Variants in NEBL observed in about 807,000 individuals in gnomAD.
The protein encoded by NEBL is LIM and SH3 protein 2.
NEBL carries 122 observed loss-of-function variants against 140.2 expected under a neutral mutation model. That is an observed-to-expected ratio of 0.87 (90% CI 0.75 to 1.01). NEBL has a LOEUF of 1.01. NEBL is among the 50% of genes least tolerant of loss of function. NEBL has a pLI of 0.00. For missense variants in NEBL, 1,365 were observed against 1,231.3 expected (o/e 1.11, Z -1.62); for synonymous variants, 436 against 398.9 (o/e 1.09, Z -1.11).
chr10:20,934,559 G>A (rs118126704), intron 4 of NEBL, among the ~76,000 whole-genome samples: 3,057 of 152,144 alleles, frequency 0.02, 56 homozygotes, highest in Non-Finnish European at 0.031. Context: ...ATCCACGATG[G>A]GCCCGCTCTT....
rs2131052212 is a variant in NEBL, at chr10:20,850,436, A to T, written c.1075T>A (p.Ser359Thr). The T allele has an allele frequency of 2.5e-6, 4 of 1,612,140 alleles. No individual in the cohort carries two copies. In the Middle Eastern group the frequency reaches 5.0e-4, roughly 200 times the overall value. ...KPMLEFVETP[S>T]YQASKEAQKM... ...TGAGCCTCCTTTGAAGCTTGATATGATGGTGTCTCAACAAATTCAAGCATT... is the reference window on the plus strand; with the variant it reads ...TGAGCCTCCTTTGAAGCTTGATATGTTGGTGTCTCAACAAATTCAAGCATT... The change falls in exon 11 of 28, where the codon TCA becomes ACA. Residue 359 changes from serine (S) to threonine (T), a missense_variant. This residue lies in a region of NEBL where 1,323 missense variants were observed against 1,154.8 expected (regional missense o/e 1.15). Coordinates refer to ENST00000377122, the MANE Select transcript of NEBL (RefSeq NM_006393.3).
At chr10:21,253,079 T>C in intron 1 of NEBL, among the ~76,000 whole-genome samples, 1 of 152,072 alleles carries the variant, frequency 6.6e-6, no homozygotes, top group East Asian at 1.9e-4. Flanking sequence ...CTGGCCAGCA[T>C]GGAGAAACCC....
intron 3 of NEBL, among the ~76,000 whole-genome samples, chr10:21,243,334 T>C (rs7080918): frequency 0.6 from 87,030 of 145,200 alleles, 28,138 homozygotes; most frequent in African/African-American, 0.85. Context: ...CAGGGTACGG[T>C]TGCATGCTGT....
intron 3 of NEBL, among the ~76,000 whole-genome samples, chr10:21,227,713 T>TTCTTCTTTCTTCTC (rs1842180073): frequency 3.1e-5 from 2 of 63,680 alleles, no homozygotes; most frequent in Non-Finnish European, 6.3e-5. Context: ...TCTTCTTCTT[T>TTCTTCTTTCTTCTC]CTTCTTCTTC....
chr10:20,926,978 T>C (rs185771267), intron 4 of NEBL, among the ~76,000 whole-genome samples: 5 of 152,220 alleles, frequency 3.3e-5, no homozygotes, highest in South Asian at 2.1e-4. Context: ...GGAAAAATCA[T>C]TGAACAATCA....
intron 2 of NEBL, among the ~76,000 whole-genome samples, chr10:20,893,470 A>G (rs1847197719): frequency 6.6e-6 from 1 of 152,228 alleles, no homozygotes; most frequent in Non-Finnish European, 1.5e-5. Flanking sequence ...GAGGAACCCC[A>G]TAATGTGGGT....
intron 3 of NEBL, among the ~76,000 whole-genome samples, chr10:21,236,646 G>C (rs867920400): frequency 2.6e-4 from 40 of 152,166 alleles, no homozygotes; most frequent in Middle Eastern, 3.4e-3. Context: ...ACTGTGCCAG[G>C]CCACTCACCT....
intron 3 of NEBL, among the ~76,000 whole-genome samples, chr10:21,209,543 A>G (rs895050753): frequency 6.6e-6 from 1 of 152,124 alleles, no homozygotes; most frequent in Non-Finnish European, 1.5e-5. Context: ...TATATGTCCC[A>G]GTGACCACAG....
At chr10:20,910,713 A>G (rs984561590) in intron 4 of NEBL, among the ~76,000 whole-genome samples, 1 of 152,162 alleles carries the variant, frequency 6.6e-6, no homozygotes, top group Non-Finnish European at 1.5e-5. Flanking sequence ...ATGATTACCA[A>G]ATTTATCTAC....
intron 3 of NEBL, among the ~76,000 whole-genome samples, chr10:20,966,784 G>A (rs1162065024): frequency 6.6e-6 from 1 of 152,188 alleles, no homozygotes; most frequent in Non-Finnish European, 1.5e-5. Flanking sequence ...GCTGCAAACA[G>A]CGCAATTATT....
intron 9 of NEBL, 126 bp downstream of exon 9, chr10:20,858,114 T>G: frequency 1.3e-6 from 1 of 741,482 alleles, no homozygotes; most frequent in South Asian, 1.5e-5. Flanking sequence ...TTTCAATGAG[T>G]TAGTTAACGA....
intron 2 of NEBL, chr10:21,146,566 C>T (rs1046485090): frequency 7.5e-6 from 10 of 1,333,004 alleles, no homozygotes; most frequent in Admixed American, 2.1e-5. Flanking sequence ...GCATTGTTAC[C>T]TTGGAACTTT....
chr10:21,201,476 C>A (rs971509702), intron 3 of NEBL, among the ~76,000 whole-genome samples: 3 of 152,176 alleles, frequency 2.0e-5, no homozygotes, highest in African/African-American at 7.2e-5. Context: ...GGGATGGATA[C>A]AGGTTTTGTG....
intron 3 of NEBL, among the ~76,000 whole-genome samples, chr10:21,204,324 G>A (rs1458155196): frequency 6.6e-6 from 1 of 152,174 alleles, no homozygotes; most frequent in Non-Finnish European, 1.5e-5. Context: ...ACGGTATTTG[G>A]AGTAAGGAAG....
At chr10:21,157,809 G>A (rs1840394149) in intron 2 of NEBL, among the ~76,000 whole-genome samples, 1 of 152,156 alleles carries the variant, frequency 6.6e-6, no homozygotes, top group Non-Finnish European at 1.5e-5. Context: ...CTTTGCTGAG[G>A]TAATCAAGTG....
chr10:20,861,650 A>G (rs1588854817), intron 7 of NEBL, among the ~76,000 whole-genome samples: 1 of 152,202 alleles, frequency 6.6e-6, no homozygotes, highest in African/African-American at 2.4e-5. Flanking sequence ...ATTCATTAAC[A>G]CTGTATTAGC....
At chr10:20,972,535 G>A (rs1005419866) in intron 3 of NEBL, among the ~76,000 whole-genome samples, 15 of 152,252 alleles carry the variant, frequency 9.9e-5, no homozygotes, top group Non-Finnish European at 2.1e-4. Context: ...ATGAGGTCAG[G>A]AGATCAAGAC....
At chr10:21,269,335 G>A (rs1295262643) in intron 1 of NEBL, among the ~76,000 whole-genome samples, 10 of 152,206 alleles carry the variant, frequency 6.6e-5, no homozygotes, top group Admixed American at 6.5e-4. Flanking sequence ...AAATGAACAT[G>A]CCTGTCACAG....
At chr10:21,288,851 A>ATATATATATATATATATATAT (rs1337610393) in intron 1 of NEBL, among the ~76,000 whole-genome samples, 3 of 32,172 alleles carry the variant, frequency 9.3e-5, no homozygotes, top group Non-Finnish European at 1.2e-4. Context: ...TATATATATA[A>ATATATATATATATATATATAT]AAATTTTTTT....
Sources: allele counts gnomAD v4.1 joint callset (sites outside exome capture counted in the v4.1 genomes callset), GRCh38; gene constraint gnomAD v4.1.1; regional missense constraint gnomAD v4.1.1; transcripts MANE v1.5; gene names NCBI Gene and HGNC (gene_info 2026-07-23, HGNC 2026-07-21).